Variants in KCNH1 observed in about 807,000 individuals in gnomAD.
KCNH1 encodes the protein potassium voltage-gated channel subfamily H member 1.
In KCNH1, 27 loss-of-function variants were observed where a neutral mutation model predicts 69.2. The ratio of observed to expected loss-of-function variants is 0.39; its 90% CI spans 0.29 to 0.54. KCNH1 has a LOEUF of 0.54. Ranked by LOEUF, KCNH1 falls within the 20% of genes least tolerant of loss-of-function variation. The pLI is 0.68. For missense variants in KCNH1, 798 were observed against 1,261.6 expected, an observed-to-expected ratio of 0.63 and a Z score of 5.57; for synonymous variants, 456 against 487.7, an observed-to-expected ratio of 0.93 and a Z score of 0.86.
intron 5 of KCNH1, among the ~76,000 whole-genome samples, chr1:211,040,052 G>A (rs193234546): frequency 0.012 from 1,758 of 152,190 alleles, 13 homozygotes; most frequent in Middle Eastern, 0.034. Flanking sequence ...TTAGCTGGGC[G>A]TGGTGGCGGG....
chr1:210,921,745 G>T lies in KCNH1; in HGVS notation c.1033-1676C>A, dbSNP rs1687463486. On this transcript the variant is annotated intron_variant, in intron 6 of 10. Coordinates refer to ENST00000271751, the MANE Select transcript of KCNH1 (RefSeq NM_172362.3). ...CCAGCACATCTTCCAGGTGAGTCTA[G>T]CATGACAGTGAGGCCTCGCATTGAA... Among the ~76,000 whole-genome samples the T allele has an allele frequency of 5.3e-5, 8 of 152,310 alleles. No homozygotes were observed. The South Asian group carries it at 1.5e-3, about 28-fold the overall frequency.
At chr1:211,011,535 T>C (rs1428172650) in intron 6 of KCNH1, among the ~76,000 whole-genome samples, 1 of 152,218 alleles carries the variant, frequency 6.6e-6, no homozygotes, top group Admixed American at 6.5e-5. Flanking sequence ...TGGTTCTAGA[T>C]CCTTGAGGAA....
At chr1:210,860,792 C>G in intron 7 of KCNH1, 1 of 848,602 alleles carries the variant, frequency 1.2e-6, no homozygotes, top group South Asian at 1.3e-5. Flanking sequence ...AGCTCTAAAG[C>G]TGTTTGAATG....
At chr1:210,770,257 T>C (rs1022368431) in intron 10 of KCNH1, among the ~76,000 whole-genome samples, 1 of 152,126 alleles carries the variant, frequency 6.6e-6, no homozygotes, top group African/African-American at 2.4e-5. Context: ...CTAATGCACA[T>C]GGGACTTAAA....
intron 10 of KCNH1, among the ~76,000 whole-genome samples, chr1:210,709,738 G>A (rs201908960): frequency 4.5e-4 from 33 of 73,988 alleles, no homozygotes; most frequent in African/African-American, 7.7e-4. Context: ...GAGAGAGAGA[G>A]AGAAAGAGAG....
chr1:210,783,918 C>CT (rs1684041924), intron 9 of KCNH1, among the ~76,000 whole-genome samples: 1 of 152,170 alleles, frequency 6.6e-6, no homozygotes, highest in South Asian at 2.1e-4. Flanking sequence ...TACAAAGGTG[C>CT]TTTTTTCACC....
intron 5 of KCNH1, among the ~76,000 whole-genome samples, chr1:211,071,945 A>G (rs529128973): frequency 4.9e-4 from 75 of 152,144 alleles, no homozygotes; most frequent in Non-Finnish European, 9.4e-4. Context: ...AAACCCACCA[A>G]CCTAGAATTT....
chr1:210,892,370 T>C (rs1010511592), intron 7 of KCNH1, among the ~76,000 whole-genome samples: 4 of 152,086 alleles, frequency 2.6e-5, no homozygotes, highest in African/African-American at 7.2e-5. Flanking sequence ...GAAATGCCAG[T>C]TTCTCCTTTT....
chr1:211,093,634 C>A (rs1691093997), intron 3 of KCNH1, among the ~76,000 whole-genome samples: 2 of 152,206 alleles, frequency 1.3e-5, no homozygotes, highest in Admixed American at 1.3e-4. Context: ...TTTGCAGTAT[C>A]TAAATATATA....
intron 7 of KCNH1, among the ~76,000 whole-genome samples, chr1:210,830,250 C>G (rs779494628): frequency 6.6e-6 from 1 of 152,158 alleles, no homozygotes; most frequent in Non-Finnish European, 1.5e-5. Context: ...CCGTTAACTT[C>G]GTTCAAGCAT....
chr1:211,114,939 G>T (rs1354570065), intron 1 of KCNH1, among the ~76,000 whole-genome samples: 1 of 151,958 alleles, frequency 6.6e-6, no homozygotes, highest in Non-Finnish European at 1.5e-5. Flanking sequence ...TTTGGGGGGT[G>T]TGGGAGTTGG....
chr1:210,846,053 C>G (rs1685539261), intron 7 of KCNH1, among the ~76,000 whole-genome samples: 2 of 152,154 alleles, frequency 1.3e-5, no homozygotes, highest in Non-Finnish European at 2.9e-5. Flanking sequence ...AGGAGAACTA[C>G]AAACCACTGC....
intron 6 of KCNH1, among the ~76,000 whole-genome samples, chr1:210,969,631 G>T: frequency 6.6e-6 from 1 of 151,934 alleles, no homozygotes; most frequent in African/African-American, 2.4e-5. Context: ...CTTGATTTAG[G>T]CCTAACGTTG....
chr1:210,917,241 A>C (rs375400562), intron 7 of KCNH1, among the ~76,000 whole-genome samples: 5 of 142,866 alleles, frequency 3.5e-5, no homozygotes, highest in South Asian at 4.5e-4. Flanking sequence ...GAAAGAAAGA[A>C]AGAAAGAAAG....
At chr1:210,857,243 A>C (rs1043150399) in intron 7 of KCNH1, among the ~76,000 whole-genome samples, 1 of 152,156 alleles carries the variant, frequency 6.6e-6, no homozygotes, top group Non-Finnish European at 1.5e-5. Flanking sequence ...TACCCTTGTT[A>C]AGGGAATTTC....
At chr1:210,767,055 G>A (rs1683650192) in intron 10 of KCNH1, among the ~76,000 whole-genome samples, 1 of 152,184 alleles carries the variant, frequency 6.6e-6, no homozygotes, top group South Asian at 2.1e-4. Context: ...AAACCACAGA[G>A]CACATTTTTA....
At chr1:210,825,188 T>G (rs575781680) in intron 7 of KCNH1, among the ~76,000 whole-genome samples, 1 of 152,314 alleles carries the variant, frequency 6.6e-6, no homozygotes, top group Admixed American at 6.5e-5. Flanking sequence ...GAGCCATTCT[T>G]TCAAGTAAAA....
chr1:210,795,367 A>T (rs1387432142), intron 9 of KCNH1, among the ~76,000 whole-genome samples: 1 of 152,062 alleles, frequency 6.6e-6, no homozygotes, highest in African/African-American at 2.4e-5. Flanking sequence ...GGTTGGTCTC[A>T]AATTCGTGGA....
At position 210,904,706 on chromosome 1, in the gene KCNH1, G is replaced by C. The variant is rs571988150; in HGVS notation, c.1462+14934C>G. On this transcript the variant is annotated intron_variant, in intron 7 of 10. Transcript: ENST00000271751. ...GTAGGAATAGAAAGGAAGAGGAAGA[G>C]GAATGGAGTAATAATAAAAGCAATA... 1.5e-4 allele frequency among the ~76,000 whole-genome samples: 23 copies of C among 152,222 alleles called. 1 individual carries two copies. The South Asian group carries it at 4.4e-3, about 29-fold the overall frequency.
Sources: allele counts gnomAD v4.1 joint callset (sites outside exome capture counted in the v4.1 genomes callset), GRCh38; gene constraint gnomAD v4.1.1; transcripts MANE v1.5; gene names NCBI Gene and HGNC (gene_info 2026-07-23, HGNC 2026-07-21).